ADAMTSL1: variants seen among roughly 807,000 people sequenced by gnomAD.
ADAMTSL1 encodes ADAMTS like 1.
ADAMTSL1 carries 126 observed loss-of-function variants against 201.8 expected under a neutral mutation model. The ratio of observed to expected loss-of-function variants is 0.62; its 90% CI spans 0.54 to 0.72. ADAMTSL1 has a LOEUF of 0.72. ADAMTSL1 is among the 30% of genes least tolerant of loss of function. The pLI is 0.00. For synonymous variants in ADAMTSL1, 1,121 were observed against 903.4 expected (o/e 1.24, Z -4.32); for missense variants, 2,679 against 2,277.8 (o/e 1.18, Z -3.59).
intron 4 of ADAMTSL1, among the ~76,000 whole-genome samples, chr9:18,605,666 C>T (rs147812276): frequency 2.0e-5 from 3 of 152,184 alleles, no homozygotes; most frequent in African/African-American, 7.2e-5. Flanking sequence ...AACTGCATCA[C>T]CCCGGTACTA....
chr9:17,928,695 A>G (rs2131312235), intron 1 of ADAMTSL1, among the ~76,000 whole-genome samples: 1 of 152,286 alleles, frequency 6.6e-6, no homozygotes, highest in South Asian at 2.1e-4. Context: ...GGATTGCTTG[A>G]GGCCAGGAGT....
chr9:18,200,420 A>G (rs1242857348), intron 2 of ADAMTSL1, among the ~76,000 whole-genome samples: 1 of 152,134 alleles, frequency 6.6e-6, no homozygotes. Flanking sequence ...AGGGATTATT[A>G]TGCTTGATTT....
intron 2 of ADAMTSL1, among the ~76,000 whole-genome samples, chr9:18,442,404 T>C (rs938388704): frequency 6.6e-6 from 1 of 152,216 alleles, no homozygotes; most frequent in Non-Finnish European, 1.5e-5. Context: ...TGATGTGGAC[T>C]TGTAAAGGTT....
intron 3 of ADAMTSL1, among the ~76,000 whole-genome samples, chr9:18,539,808 GT>G (rs1300365750): frequency 6.6e-6 from 1 of 152,122 alleles, no homozygotes; most frequent in Non-Finnish European, 1.5e-5. Context: ...TATATGCATT[GT>G]TTTTTCAAAT....
intron 1 of ADAMTSL1, among the ~76,000 whole-genome samples, chr9:18,065,719 G>T (rs971554578): frequency 2.0e-5 from 3 of 152,098 alleles, no homozygotes; most frequent in Non-Finnish European, 4.4e-5. Flanking sequence ...GGTGGCTCAC[G>T]CCTGTAATCC....
chr9:18,575,538 A>G (rs546802534), intron 4 of ADAMTSL1, among the ~76,000 whole-genome samples: 1 of 152,348 alleles, frequency 6.6e-6, no homozygotes, highest in Non-Finnish European at 1.5e-5. Flanking sequence ...TTCCTCCTCT[A>G]GGACTCTTAG....
At chr9:18,406,287 GTTTTT>G (rs375073783) in intron 2 of ADAMTSL1, among the ~76,000 whole-genome samples, 53 of 62,262 alleles carry the variant, frequency 8.5e-4, no homozygotes, top group African/African-American at 2.2e-3. Flanking sequence ...GTATAAGACA[GTTTTT>G]TCTTTTCTTT....
At chr9:18,202,352 C>T (rs1259011834) in intron 2 of ADAMTSL1, among the ~76,000 whole-genome samples, 1 of 152,054 alleles carries the variant, frequency 6.6e-6, no homozygotes, top group East Asian at 1.9e-4. Flanking sequence ...TGATAAAAAC[C>T]AAAAGTATTA....
At chr9:18,335,689 CA>C (rs1379101084) in intron 2 of ADAMTSL1, among the ~76,000 whole-genome samples, 1 of 152,042 alleles carries the variant, frequency 6.6e-6, no homozygotes, top group Admixed American at 6.6e-5. Context: ...TCTTCAAAAA[CA>C]AAAATGTGAA....
At chr9:18,132,052 T>C (rs977676649) in intron 1 of ADAMTSL1, among the ~76,000 whole-genome samples, 3 of 152,136 alleles carry the variant, frequency 2.0e-5, no homozygotes, top group Non-Finnish European at 4.4e-5. Context: ...GATCTTCATT[T>C]CTATCTACTA....
At chr9:18,680,613 C>A in intron 11 of ADAMTSL1, 97 bp downstream of exon 11, 1 of 1,357,904 alleles carries the variant, frequency 7.4e-7, no homozygotes. Context: ...GCTCCACACT[C>A]TTCTTGAGGT....
At chr9:18,573,715 G>C (rs867882982) in intron 3 of ADAMTSL1, among the ~76,000 whole-genome samples, 29 of 152,144 alleles carry the variant, frequency 1.9e-4, no homozygotes, top group African/African-American at 6.3e-4. Context: ...GTACAGTGTG[G>C]AAGAATTCAT....
chr9:18,840,657 C>G (rs1185425676), intron 23 of ADAMTSL1, among the ~76,000 whole-genome samples: 1 of 152,140 alleles, frequency 6.6e-6, no homozygotes, highest in Non-Finnish European at 1.5e-5. Context: ...ATTGATTCTT[C>G]TTACCCATGA....
intron 2 of ADAMTSL1, among the ~76,000 whole-genome samples, chr9:18,180,531 TCAAAAAAAAA>T (rs1563790152): frequency 1.1e-4 from 3 of 27,514 alleles, no homozygotes; most frequent in Non-Finnish European, 2.3e-4. Context: ...AGACTCCGTG[TCAAAAAAAAA>T]AAAAAAAAAA....
chr9:18,173,879 G>C (rs1038810166), intron 2 of ADAMTSL1, among the ~76,000 whole-genome samples: 1 of 152,002 alleles, frequency 6.6e-6, no homozygotes. Context: ...GTGAAATTTC[G>C]GTTTTACAGA....
At chr9:18,126,868 A>G (rs1018974802) in intron 1 of ADAMTSL1, among the ~76,000 whole-genome samples, 7 of 152,220 alleles carry the variant, frequency 4.6e-5, no homozygotes, top group African/African-American at 1.7e-4. Context: ...ATTGCAACAA[A>G]TAGTTGCAGT....
intron 3 of ADAMTSL1, among the ~76,000 whole-genome samples, chr9:18,546,524 T>A (rs1401459179): frequency 6.6e-6 from 1 of 152,108 alleles, no homozygotes; most frequent in Non-Finnish European, 1.5e-5. Flanking sequence ...CCAACATCCC[T>A]TTCCCAAGCA....
intron 1 of ADAMTSL1, among the ~76,000 whole-genome samples, chr9:18,060,149 T>C (rs530837055): frequency 5.7e-4 from 87 of 152,274 alleles, no homozygotes; most frequent in African/African-American, 2.0e-3. Context: ...ATTCCACATA[T>C]ATGTATATGT....
intron 1 of ADAMTSL1, among the ~76,000 whole-genome samples, chr9:18,056,323 G>A (rs1445818116): frequency 6.6e-6 from 1 of 152,186 alleles, no homozygotes; most frequent in Non-Finnish European, 1.5e-5. Context: ...CCTTTCTGAT[G>A]CTGGAGGCAG....
Sources: allele counts gnomAD v4.1 joint callset (sites outside exome capture counted in the v4.1 genomes callset), GRCh38; gene constraint gnomAD v4.1.1; transcripts MANE v1.5; gene names NCBI Gene and HGNC (gene_info 2026-07-23, HGNC 2026-07-21).